Variants in PHEX observed in about 807,000 individuals in gnomAD.
PHEX encodes the protein phosphate regulating endopeptidase X-linked.
Under a neutral mutation model 68.0 loss-of-function variants are expected in PHEX, and 16 were observed. The observed-to-expected ratio is 0.24, with a 90% CI of 0.16 to 0.36. The LOEUF (loss-of-function observed/expected upper bound fraction) is 0.36. Among genes scored for constraint, PHEX ranks in the 10% least tolerant of loss-of-function variants. PHEX has a pLI of 1.00. For missense variants in PHEX, 480 were observed against 575.5 expected (o/e 0.83, Z 1.70); for synonymous variants, 208 against 205.1 (o/e 1.01, Z -0.12).
In PHEX at chrX:22,065,399, T is replaced by G. The variant is rs1928547932; in HGVS notation, c.350-10989T>G. 2.7e-5 allele frequency among the ~76,000 whole-genome samples: 3 copies of G among 111,920 alleles called. No homozygotes were observed. The South Asian group carries it at 1.1e-3, about 41-fold the overall frequency. On this transcript the variant is annotated intron_variant, in intron 3 of 21. Coordinates refer to ENST00000379374, the MANE Select transcript of PHEX (RefSeq NM_000444.6). ...CTACTACCCACTGGTCTATCCTAAA[T>G]TCACAAGTTCACTTCTTTAAGGCTC...
Position 22,227,496 on chromosome X carries a change from T to C in PHEX, c.1966-11T>C, listed in dbSNP as rs12014792. On this transcript the variant is annotated splice_polypyrimidine_tract_variant and intron_variant, in intron 19 of 21. Coordinates refer to ENST00000379374, the MANE Select transcript of PHEX (RefSeq NM_000444.6). ...GTTGCAGAGACTCATCTCTTCTTCT[T>C]CTCTCACCAGGCTTACAGGAAATGG... is the stretch of plus-strand genomic sequence containing the variant. 19,309 of 1,152,956 alleles carry C rather than the reference T, an allele frequency of 0.017. 1,984 individuals are homozygous for C. The African/African-American group carries it at 0.3, about 18-fold the overall frequency.
rs111628195 is a variant in PHEX at position 22,055,174 on chromosome X, C to CAAAAAAA, written c.349+7998_349+8004dup. Among the ~76,000 whole-genome samples the CAAAAAAA allele has an allele frequency of 1.4e-3, 92 of 66,094 alleles. 12 individuals are homozygous for CAAAAAAA. Among genetic ancestry groups the CAAAAAAA allele is most frequent in the Non-Finnish European group, 1.9e-3 (64 of 33,160 alleles). 57.4% of individuals were successfully genotyped at this position (66,094 alleles called of 115,157 possible). ...CGGGCAACAGAGAGAGACTCCAGCTCAAAAAAAAAAAAAAAAAAAAAAAAA... is the reference window on the plus strand; with the variant it reads ...CGGGCAACAGAGAGAGACTCCAGCTCAAAAAAAAAAAAAAAAAAAAAAAAAAAAAAAA... On this transcript the variant is annotated intron_variant, in intron 3 of 21. Transcript: ENST00000379374.
At chrX:22,207,573 T>A (rs1248703082) in intron 15 of PHEX, among the ~76,000 whole-genome samples, 1 of 110,933 alleles carries the variant, frequency 9.0e-6, no homozygotes, top group Admixed American at 9.7e-5. Context: ...ATTAGTTTTT[T>A]GGGTACAATT....
At chrX:22,071,189 A>G (rs1223565624) in intron 3 of PHEX, among the ~76,000 whole-genome samples, 1 of 111,156 alleles carries the variant, frequency 9.0e-6, no homozygotes, top group Non-Finnish European at 1.9e-5. Context: ...TTTTCTCCCC[A>G]GTGTAGAAGA....
chrX:22,117,347 C>CCTAT (rs1366392900), intron 11 of PHEX, among the ~76,000 whole-genome samples: 2 of 111,727 alleles, frequency 1.8e-5, no homozygotes, highest in Middle Eastern at 4.6e-3. Context: ...AACAAATTGA[C>CCTAT]CTATGTTAAC....
chrX:22,159,881 T>G (rs1300855188), intron 12 of PHEX, among the ~76,000 whole-genome samples: 1 of 112,552 alleles, frequency 8.9e-6, no homozygotes, highest in Non-Finnish European at 1.9e-5. Context: ...GTATCCATAT[T>G]CTACAGACGA....
At chrX:22,213,092 C>T (rs1307615704) in intron 16 of PHEX, 134 bp downstream of exon 16, 3 of 542,910 alleles carry the variant, frequency 5.5e-6, no homozygotes, top group African/African-American at 4.7e-5. Context: ...GTCGCCTGTA[C>T]TCTTATCATT....
intron 15 of PHEX, among the ~76,000 whole-genome samples, chrX:22,208,471 A>T (rs1321255546): frequency 8.9e-6 from 1 of 112,488 alleles, no homozygotes; most frequent in Non-Finnish European, 1.9e-5. Context: ...TACCATAATT[A>T]ATTGGCCTCT....
At chrX:22,208,941 G>A (rs1602390813) in intron 15 of PHEX, among the ~76,000 whole-genome samples, 1 of 112,182 alleles carries the variant, frequency 8.9e-6, no homozygotes, top group Middle Eastern at 4.6e-3. Flanking sequence ...AAAGCTGGGA[G>A]ACCAATAAAA....
At chrX:22,114,632 A>G in intron 11 of PHEX, 46 bp downstream of exon 11, 2 of 1,113,980 alleles carry the variant, frequency 1.8e-6, no homozygotes, top group Non-Finnish European at 2.5e-6. Flanking sequence ...CAATTTAGCC[A>G]GATCTGACAA....
intron 3 of PHEX, among the ~76,000 whole-genome samples, chrX:22,050,437 C>T (rs1927767966): frequency 9.1e-6 from 1 of 109,806 alleles, no homozygotes; most frequent in Admixed American, 9.8e-5. Flanking sequence ...AAAAATTAGC[C>T]ACGCATGGTG....
chrX:22,087,872 C>T (rs752896194), intron 5 of PHEX, among the ~76,000 whole-genome samples: 3 of 111,845 alleles, frequency 2.7e-5, no homozygotes, highest in East Asian at 2.8e-4. Context: ...AAAGAACAAA[C>T]CACAGATTTA....
At chrX:22,158,244 T>C (rs1933009079) in intron 12 of PHEX, among the ~76,000 whole-genome samples, 1 of 111,986 alleles carries the variant, frequency 8.9e-6, no homozygotes, top group Non-Finnish European at 1.9e-5. Context: ...TCTCCTGAAC[T>C]TCTGGGTGCT....
At chrX:22,142,266 A>G (rs1932504722) in intron 12 of PHEX, among the ~76,000 whole-genome samples, 1 of 112,243 alleles carries the variant, frequency 8.9e-6, no homozygotes, top group Admixed American at 9.4e-5. Flanking sequence ...ACACACAAAA[A>G]GAATATTCAC....
chrX:22,139,793 G>A lies in PHEX; in HGVS notation c.1404+6169G>A, dbSNP rs189851892. On this transcript the variant is annotated intron_variant, in intron 12 of 21. Coordinates refer to ENST00000379374, the MANE Select transcript of PHEX (RefSeq NM_000444.6). Reference sequence around the variant, plus strand: ...GGCCTCAACCGATCCGCCAGCTACAGCCTCCCAAAATGCTGGGATTACAGT... The same window carrying A: ...GGCCTCAACCGATCCGCCAGCTACAACCTCCCAAAATGCTGGGATTACAGT... Among the ~76,000 whole-genome samples, 639 of 109,342 alleles carry A rather than the reference G, an allele frequency of 5.8e-3. 12 individuals are homozygous for A. Among genetic ancestry groups the A allele is most frequent in the Admixed American group, 0.04 (411 of 10,172 alleles). 95.0% of individuals were successfully genotyped at this position (109,342 alleles called of 115,157 possible).
At chrX:22,072,312 G>A (rs1159202330) in intron 3 of PHEX, among the ~76,000 whole-genome samples, 4 of 111,415 alleles carry the variant, frequency 3.6e-5, no homozygotes, top group Non-Finnish European at 5.7e-5. Flanking sequence ...TTGAGAGGCT[G>A]AGGTAGGAGA....
intron 14 of PHEX, among the ~76,000 whole-genome samples, chrX:22,188,917 C>T (rs1191305497): frequency 1.8e-5 from 2 of 112,133 alleles, no homozygotes; most frequent in Non-Finnish European, 3.8e-5. Flanking sequence ...CCCCTACCGC[C>T]CTTCCCAACC....
chrX:22,076,596 G>T, intron 4 of PHEX, 122 bp downstream of exon 4: 1 of 530,591 alleles, frequency 1.9e-6, no homozygotes, highest in Admixed American at 2.9e-5. Context: ...ATGTTTAAAG[G>T]TGTTAAAGGA....
In PHEX at chrX:22,096,451, G is replaced by T. The variant is rs777788262; in HGVS notation, c.850-504G>T. Among the ~76,000 whole-genome samples the T allele has an allele frequency of 3.6e-5, 4 of 112,042 alleles. No homozygotes were observed. The South Asian group carries it at 1.5e-3, about 42-fold the overall frequency. On this transcript the variant is annotated intron_variant, in intron 7 of 21. Transcript: ENST00000379374. ...GCAATGGGGCTAGGGAAATCTCAAG[G>T]CCAAAGAGACAAGAGGGGAAATGAG...
Sources: gnomAD v4.1 joint callset for allele counts (sites outside exome capture counted in the v4.1 genomes callset) on GRCh38, gnomAD v4.1.1 for gene constraint, MANE v1.5 for transcripts, NCBI Gene and HGNC (gene_info 2026-07-23, HGNC 2026-07-21) for gene names.